ASS1: variants seen among roughly 807,000 people sequenced by gnomAD.
ASS1 encodes the protein argininosuccinate synthase.
ASS1 carries 58 observed loss-of-function variants against 60.5 expected under a neutral mutation model. The ratio of observed to expected loss-of-function variants is 0.96; its 90% confidence interval spans 0.78 to 1.19. The LOEUF is 1.19. Ranked by LOEUF, ASS1 falls within the 50% of genes most tolerant of loss-of-function variation. ASS1 has a pLI of 0.00. For synonymous variants in ASS1, 200 were observed against 206.9 expected (o/e 0.97, Z 0.29); for missense variants, 454 against 547.3 (o/e 0.83, Z 1.70).
chr9:130,458,071 G>T (rs1449109269), intron 3 of ASS1, among the ~76,000 whole-genome samples: 2 of 151,512 alleles, frequency 1.3e-5, no homozygotes, highest in African/African-American at 4.9e-5. Flanking sequence ...AGGCAGGGGA[G>T]TTGCTTGAAC....
chr9:130,499,311 G>A (rs1048365868), intron 13 of ASS1, among the ~76,000 whole-genome samples, 194 bp from the exon 14 acceptor site: 1 of 152,250 alleles, frequency 6.6e-6, no homozygotes, highest in Non-Finnish European at 1.5e-5. Flanking sequence ...CTTTGGGTGG[G>A]TGCCTGGCCC....
intron 8 of ASS1, among the ~76,000 whole-genome samples, 155 bp downstream of exon 8, chr9:130,471,670 G>A (rs927672961): frequency 6.7e-6 from 1 of 149,494 alleles, no homozygotes; most frequent in Non-Finnish European, 1.5e-5. Context: ...CCCGACCCCC[G>A]CACTGGCCCC....
intron 11 of ASS1, among the ~76,000 whole-genome samples, chr9:130,483,622 A>C (rs189559427): frequency 1.3e-5 from 2 of 151,956 alleles, no homozygotes; most frequent in East Asian, 3.9e-4. Flanking sequence ...GAGCCAGCGC[A>C]TGTCCTTGTG....
intron 13 of ASS1, among the ~76,000 whole-genome samples, chr9:130,498,761 G>GA (rs1675784262): frequency 6.6e-6 from 1 of 152,224 alleles, no homozygotes; most frequent in Non-Finnish European, 1.5e-5. Context: ...GCGGAAACAG[G>GA]ACGCAAACCC....
At chr9:130,490,941 A>G (rs1266702041) in intron 12 of ASS1, among the ~76,000 whole-genome samples, 1 of 152,200 alleles carries the variant, frequency 6.6e-6, no homozygotes, top group African/African-American at 2.4e-5. Flanking sequence ...CGATCCTCAC[A>G]TCTTCGGGGG....
intron 1 of ASS1, among the ~76,000 whole-genome samples, chr9:130,449,641 T>G (rs1261056563): frequency 6.6e-6 from 1 of 152,204 alleles, no homozygotes; most frequent in East Asian, 1.9e-4. Context: ...CTGATCTGAG[T>G]TGGAGTCCTG....
chr9:130,453,236 G>A (rs1216289507), intron 2 of ASS1, among the ~76,000 whole-genome samples: 1 of 152,216 alleles, frequency 6.6e-6, no homozygotes, highest in East Asian at 1.9e-4. Context: ...TGCGAGGCTT[G>A]GGCCATGAGC....
Position 130,476,760 on chromosome 9 carries a change from G to A in ASS1, c.598-111G>A. Reference sequence around the variant, plus strand: ...CCGGGGGATCTGCCGGACCCCACCAGCTGGTGGGGAAATGGACAGAGGAGA... The same window carrying A: ...CCGGGGGATCTGCCGGACCCCACCAACTGGTGGGGAAATGGACAGAGGAGA... On this transcript the variant is annotated intron_variant, in intron 8 of 14. Coordinates refer to ENST00000352480, the MANE Select transcript of ASS1 (RefSeq NM_054012.4). The surrounding 1 kb of genome is among the most constrained non-coding windows in gnomAD (Gnocchi z 4.9). 1 of 1,071,736 alleles carries A rather than the reference G, an allele frequency of 9.3e-7. No individual in the cohort carries two copies. The highest frequency in any genetic ancestry group is 1.5e-6 in the Non-Finnish European group (1 of 688,262). The allele number at this position is 1,071,736 out of a possible 1,614,324, so 66.4% of individuals were successfully genotyped here. A position where few individuals can be genotyped will look rare whatever the true frequency, so the allele number is the denominator to read the frequency against.
chr9:130,448,295 A>G (rs1183900862), intron 1 of ASS1, among the ~76,000 whole-genome samples: 3 of 151,838 alleles, frequency 2.0e-5, no homozygotes. Context: ...CACTGGCCCC[A>G]ACACCCACAC....
intron 8 of ASS1, among the ~76,000 whole-genome samples, chr9:130,474,075 C>A (rs1051233294): frequency 1.5e-4 from 15 of 101,246 alleles, no homozygotes; most frequent in Admixed American, 4.4e-4. Flanking sequence ...CCCCCCCCCC[C>A]ACAGATGACA....
rs1253948323 is a variant in ASS1, at chr9:130,477,261, G to A, written c.688+300G>A. 6.6e-6 allele frequency among the ~76,000 whole-genome samples: 1 copy of A among 152,148 alleles called. No homozygotes were observed. Among genetic ancestry groups the A allele is most frequent in the African/African-American group, 2.4e-5 (1 of 41,434 alleles). On this transcript the variant is annotated intron_variant, in intron 9 of 14. Transcript: ENST00000352480. The surrounding 1 kb of genome is among the most constrained non-coding windows in gnomAD (Gnocchi z 4.2). ...CTGAACAGCCACTCAACTTTCCTGG[G>A]CCTCAGTTTCCTCAGCTGTATCTGA...
chr9:130,460,929 C>T (rs1845575630), intron 4 of ASS1, among the ~76,000 whole-genome samples: 1 of 151,730 alleles, frequency 6.6e-6, no homozygotes, highest in African/African-American at 2.4e-5. Flanking sequence ...TGGGCAGGAC[C>T]GTGTGTATGC....
upstream of ASS1, chr9:130,444,826 G>A (rs569832736): frequency 4.4e-3 from 665 of 152,308 alleles, 9 homozygotes; most frequent in African/African-American, 0.015. This position sits in a 1 kb window ranked among gnomAD's most constrained non-coding sequence, Gnocchi z 4.7. Context: ...AGGTGGCTGT[G>A]AACGCTGAGC....
chr9:130,493,749 G>A (rs1846513030), intron 12 of ASS1, among the ~76,000 whole-genome samples: 1 of 142,024 alleles, frequency 7.0e-6, no homozygotes, highest in African/African-American at 3.1e-5. Flanking sequence ...CCCCGCCATG[G>A]CCTGCCTGCC....
At chr9:130,485,148 T>C (rs1476842057) in intron 11 of ASS1, among the ~76,000 whole-genome samples, 1 of 152,158 alleles carries the variant, frequency 6.6e-6, no homozygotes, top group African/African-American at 2.4e-5. Context: ...AAGTCACAGC[T>C]CTTCCTCGAG....
intron 10 of ASS1, 76 bp from the exon 11 acceptor site, chr9:130,480,309 T>C (rs2118841226): frequency 6.5e-7 from 1 of 1,538,788 alleles, no homozygotes; most frequent in Non-Finnish European, 9.0e-7. Context: ...GTGCCCACCC[T>C]GGGACAGCCC....
At chr9:130,462,420 A>G (rs191270499) in intron 4 of ASS1, among the ~76,000 whole-genome samples, 8 of 152,116 alleles carry the variant, frequency 5.3e-5, no homozygotes, top group Non-Finnish European at 1.2e-4. Context: ...CTTGGGGTTC[A>G]GAGGGGGAAG....
In ASS1 at chr9:130,452,281, C is replaced by T. The variant is rs121908643; in HGVS notation, c.53C>T (p.Ser18Leu). 10 of 1,614,032 alleles carry T rather than the reference C, an allele frequency of 6.2e-6. No individual in the cohort carries two copies. Among genetic ancestry groups the T allele is most frequent in the Admixed American group, 3.3e-5 (2 of 60,006 alleles). ...VLAYSGGLDTSCILVWLKEQG... is the reference protein window; with the variant it reads ...VLAYSGGLDTLCILVWLKEQG... ...GCCTACAGTGGCGGCCTGGACACCT[C>T]GTGCATCCTCGTGTGGCTGAAGGAA... The change falls in exon 2 of 15, where the codon TCG becomes TTG. Residue 18 changes from serine to leucine, a missense_variant. By Grantham distance (145) the Ser-to-Leu change is moderately radical. Coordinates refer to ENST00000352480, the MANE Select transcript of ASS1 (RefSeq NM_054012.4).
rs369376869 is a variant in ASS1 at position 130,494,769 on chromosome 9, G to A, written c.971-98G>A. Reference sequence around the variant, plus strand: ...GGGAGGCAGTCATGGTCTGCATGGCGGGGTAAACCATGGGGCACCCTTCCT... The same window carrying A: ...GGGAGGCAGTCATGGTCTGCATGGCAGGGTAAACCATGGGGCACCCTTCCT... On this transcript the variant is annotated intron_variant, in intron 12 of 14. Coordinates refer to ENST00000352480, the MANE Select transcript of ASS1 (RefSeq NM_054012.4). This position sits in a 1 kb window ranked among gnomAD's most constrained non-coding sequence, Gnocchi z 4.3. 3,038 of 1,484,234 alleles carry A rather than the reference G, an allele frequency of 2.0e-3. 77 individuals carry two copies. In the South Asian group the frequency reaches 0.032, roughly 15 times the overall value. 91.9% of individuals were successfully genotyped at this position (1,484,234 alleles called of 1,614,324 possible). A position where few individuals can be genotyped will look rare whatever the true frequency, so the allele number is the denominator to read the frequency against.
Sources: allele counts gnomAD v4.1 joint callset (sites outside exome capture counted in the v4.1 genomes callset), GRCh38; gene constraint gnomAD v4.1.1; non-coding constraint Gnocchi (gnomAD v3.1); transcripts MANE v1.5; gene names NCBI Gene and HGNC (gene_info 2026-07-23, HGNC 2026-07-21).